SCYL1: variants seen among roughly 807,000 people sequenced by gnomAD.
SCYL1 encodes the protein SCY1 like pseudokinase 1, also known as N-terminal kinase-like protein.
A neutral mutation model predicts 94.8 loss-of-function variants in SCYL1; 85 were observed. The ratio of observed to expected loss-of-function variants is 0.90; its 90% CI spans 0.75 to 1.07. The LOEUF (loss-of-function observed/expected upper bound fraction) is 1.07, where lower values mean the gene tolerates loss of function less well. Among genes scored for constraint, SCYL1 ranks in the 50% least tolerant of loss-of-function variants. The pLI, the probability that SCYL1 is intolerant of heterozygous loss-of-function variation, is 0.00. For synonymous variants in SCYL1, 459 were observed against 435.5 expected (o/e 1.05, Z -0.67); for missense variants, 968 against 1,083.3 (o/e 0.89, Z 1.49).
rs753591753 is a variant in SCYL1, at chr11:65,526,272, G to A, written c.524G>A (p.Arg175His). 4.3e-6 allele frequency: 7 copies of A among 1,612,724 alleles called. No individual in the cohort carries two copies. The highest frequency in any genetic ancestry group is 1.3e-5 in the African/African-American group (1 of 74,932). Residue 175 changes from arginine to histidine, a missense_variant, in exon 4 of 18, where the codon CGC (arginine) becomes CAC (histidine). Physicochemically the swap from Arg to His is conservative, Grantham distance 29. Around this residue, in one of 2 missense-constraint regions of SCYL1, gnomAD observed 494 missense variants for 619.7 expected, o/e 0.80. Coordinates refer to ENST00000270176, the MANE Select transcript of SCYL1 (RefSeq NM_020680.4). The surrounding 1 kb of genome is among the most constrained non-coding windows in gnomAD (Gnocchi z 4.1). ...CAGGGCAACGGTGGGGGACCTCCCCGCAAGGGGATCCCCGAGCTTGAGCAG... is the reference window on the plus strand; with the variant it reads ...CAGGGCAACGGTGGGGGACCTCCCCACAAGGGGATCCCCGAGCTTGAGCAG... Reference protein sequence around the residue: ...SAQGNGGGPPRKGIPELEQYD... With the variant: ...SAQGNGGGPPHKGIPELEQYD...
intron 2 of SCYL1, 82 bp from the exon 3 acceptor site, chr11:65,525,839 C>T (rs1453054714): frequency 6.3e-7 from 1 of 1,581,820 alleles, no homozygotes; most frequent in Non-Finnish European, 8.6e-7. Flanking sequence ...TTCCTCTTCC[C>T]CATCTCTCCC....
chr11:65,538,608 A>G lies in SCYL1; in HGVS notation c.*42A>G, dbSNP rs2135110760. 1.3e-6 allele frequency: 2 copies of G among 1,592,420 alleles called. No homozygotes were observed. Among genetic ancestry groups the G allele is most frequent in the Non-Finnish European group, 1.7e-6 (2 of 1,170,120 alleles). Reference sequence around the variant, plus strand: ...TTCCCGGCTGCGGAGAGCCCGCCCCACAGATGTATTTATTGTACAAACCAT... The same window carrying G: ...TTCCCGGCTGCGGAGAGCCCGCCCCGCAGATGTATTTATTGTACAAACCAT... On this transcript the variant is annotated 3_prime_UTR_variant, in exon 18 of 18. Coordinates refer to ENST00000270176, the MANE Select transcript of SCYL1 (RefSeq NM_020680.4).
At chr11:65,536,831 C>T (rs1565078885) in intron 13 of SCYL1, 81 bp downstream of exon 13, 1 of 1,474,638 alleles carries the variant, frequency 6.8e-7, no homozygotes, top group Non-Finnish European at 9.3e-7. Flanking sequence ...TGTCTGACTC[C>T]CCCGGGGATG....
rs200493885 is a variant in SCYL1, at chr11:65,537,870, G to A, written c.2021G>A (p.Arg674His). The change falls in exon 15 of 18, where the codon CGT becomes CAT. Residue 674 changes from arginine to histidine, a missense_variant. Arg to His is a conservative substitution (Grantham distance 29). Around this residue, in one of 2 missense-constraint regions of SCYL1, gnomAD observed 474 missense variants for 463.6 expected, o/e 1.02. Transcript: ENST00000270176. Reference sequence around the variant, plus strand: ...TGGAGCACCGGGGGCCAAGTGAGCCGTGCTAGTCAGGTGAGCTGGGTCTGG... The same window carrying A: ...TGGAGCACCGGGGGCCAAGTGAGCCATGCTAGTCAGGTGAGCTGGGTCTGG... ...DDWSTGGQVS[R>H]ASQVSNSDHK... 5.7e-6 allele frequency: 9 copies of A among 1,577,394 alleles called. No individual in the cohort carries two copies. Among genetic ancestry groups the A allele is most frequent in the African/African-American group, 2.7e-5 (2 of 74,530 alleles).
At position 65,530,705 on chromosome 11, in the gene SCYL1, G is replaced by C; in HGVS notation, c.926G>C (p.Cys309Ser). The C allele has an allele frequency of 6.2e-7, 1 of 1,614,060 alleles. No homozygotes were observed. Among genetic ancestry groups the C allele is most frequent in the Non-Finnish European group, 8.5e-7 (1 of 1,180,020 alleles). ...KSLDAFPEDF[C>S]RHKVLPQLLT... ...CTGGACGCATTCCCTGAGGATTTCT[G>C]TCGGCACAAGGTGCTGCCCCAGCTG... is the stretch of plus-strand genomic sequence containing the variant. Residue 309 changes from cysteine to serine, a missense_variant, in exon 7 of 18, where the codon TGT becomes TCT. Physicochemically the swap from Cys to Ser is moderately radical, Grantham distance 112. This residue lies in a region of SCYL1 where 494 missense variants were observed against 619.7 expected (regional missense o/e 0.80). Transcript: ENST00000270176.
At position 65,530,778 on chromosome 11, in the gene SCYL1, C is replaced by T. The variant is rs1740718845; in HGVS notation, c.999C>T (p.Pro333=). 1.2e-6 allele frequency: 2 copies of T among 1,611,584 alleles called. No homozygotes were observed. The highest frequency in any genetic ancestry group is 1.3e-5 in the African/African-American group (1 of 74,880). The change falls in exon 7 of 18, where the codon CCC becomes CCT. Residue 333 remains proline, a synonymous_variant. Transcript: ENST00000270176. ...FGNAGAVVLT[P]LFKVGKFLSA... ...ATGCTGGGGCCGTTGTCCTCACGCC[C>T]CTCTTCAAGGTGAGTGGAACTGTGG...
In SCYL1 at chr11:65,537,118, G is replaced by A; in HGVS notation, c.1949G>A (p.Gly650Asp). 1.9e-6 allele frequency: 3 copies of A among 1,614,170 alleles called. No homozygotes were observed. Among genetic ancestry groups the A allele is most frequent in the Non-Finnish European group, 2.5e-6 (3 of 1,180,010 alleles). The change falls in exon 14 of 18, where the codon GGC (glycine) becomes GAC (aspartate). Residue 650 changes from glycine (G) to aspartate (D), a missense_variant. Coordinates refer to ENST00000270176, the MANE Select transcript of SCYL1 (RefSeq NM_020680.4). Reference sequence around the variant, plus strand: ...GACAGATGGGACGACGAAGACTGGGGCAGCCTGGAGGTGTGTGGGGCTGAG... The same window carrying A: ...GACAGATGGGACGACGAAGACTGGGACAGCCTGGAGGTGTGTGGGGCTGAG... ...TADRWDDEDW[G>D]SLEQEAESVL...
Position 65,525,184 on chromosome 11 carries a change from G to A in SCYL1, c.31G>A (p.Asp11Asn). 2.1e-5 allele frequency: 30 copies of A among 1,448,328 alleles called. No individual in the cohort carries two copies. Among genetic ancestry groups the A allele is most frequent in the Non-Finnish European group, 2.7e-5 (30 of 1,095,438 alleles). 89.7% of individuals were successfully genotyped at this position (1,448,328 alleles called of 1,614,324 possible). A position where few individuals can be genotyped will look rare whatever the true frequency, so the allele number is the denominator to read the frequency against. Reference protein sequence around the residue: MWFFARDPVRDFPFELIPEPP... With the variant: MWFFARDPVRNFPFELIPEPP... ...GTTCTTTGCCCGGGACCCGGTCCGG[G>A]ACTTTCCGTTCGAGCTCATCCCGGA... Residue 11 changes from aspartate (D) to asparagine (N), a missense_variant, in exon 1 of 18, where the codon GAC becomes AAC. Around this residue, in one of 2 missense-constraint regions of SCYL1, gnomAD observed 494 missense variants for 619.7 expected, o/e 0.80. Transcript: ENST00000270176.
Position 65,525,564 on chromosome 11 carries a change from C to T in SCYL1, c.112-10C>T. 2.5e-6 allele frequency: 4 copies of T among 1,610,794 alleles called. No individual in the cohort carries two copies. Among genetic ancestry groups the T allele is most frequent in the South Asian group, 1.1e-5 (1 of 91,002 alleles). On this transcript the variant is annotated splice_polypyrimidine_tract_variant and intron_variant, in intron 1 of 17. Transcript: ENST00000270176. ...CTGGGACCATCTCAGGCCCCGCTGCCCTCCCCTAGGCCACAGGCAGCCCCG... is the reference window on the plus strand; with the variant it reads ...CTGGGACCATCTCAGGCCCCGCTGCTCTCCCCTAGGCCACAGGCAGCCCCG...
At chr11:65,530,173 C>T (rs1015912908) in intron 6 of SCYL1, among the ~76,000 whole-genome samples, 1 of 152,092 alleles carries the variant, frequency 6.6e-6, no homozygotes, top group Admixed American at 6.5e-5. Context: ...CCAGCCAGGG[C>T]AGGGAAACCA....
chr11:65,537,261 C>A lies in SCYL1; in HGVS notation c.1959+133C>A, dbSNP rs1482497315. On this transcript the variant is annotated intron_variant, in intron 14 of 17. Transcript: ENST00000270176. Reference sequence around the variant, plus strand: ...CACAGCATCCCTGGCACGTAGGCCTCATGGAGTGGCCATTGTAGGCCAGAG... The same window carrying A: ...CACAGCATCCCTGGCACGTAGGCCTAATGGAGTGGCCATTGTAGGCCAGAG... The A allele has an allele frequency of 3.0e-6, 3 of 984,452 alleles. No homozygotes were observed. In the African/African-American group the frequency reaches 4.9e-5, roughly 16 times the overall value. 61.0% of individuals were successfully genotyped at this position (984,452 alleles called of 1,614,324 possible).
chr11:65,536,133 C>A lies in SCYL1; in HGVS notation c.1567C>A (p.Arg523=). Residue 523 remains arginine, a synonymous_variant, in exon 11 of 18, where the codon CGA becomes AGA. Transcript: ENST00000270176. ...GLTVDPEKSV[R]DQAFKAIRSF... ...CACTGTAGATCCTGAGAAATCCGTG[C>A]GAGACCAGGTGAGGCACAGCTGGGC... is the stretch of plus-strand genomic sequence containing the variant. The A allele has an allele frequency of 6.2e-7, 1 of 1,613,024 alleles. No individual in the cohort carries two copies.
At chr11:65,527,213 A>G in intron 6 of SCYL1, 96 bp downstream of exon 6, 1 of 1,400,564 alleles carries the variant, frequency 7.1e-7, no homozygotes, top group Non-Finnish European at 9.9e-7. Context: ...CTCAGGAGAC[A>G]AGCATGGACT....
At position 65,538,493 on chromosome 11, in the gene SCYL1, A is replaced by T; in HGVS notation, c.2354A>T (p.Glu785Val). Residue 785 changes from glutamate (E) to valine (V), a missense_variant, in exon 18 of 18, where the codon GAG (glutamate) becomes GTG (valine). Physicochemically the swap from Glu to Val is moderately radical, Grantham distance 121. This residue lies in a region of SCYL1 where 474 missense variants were observed against 463.6 expected (regional missense o/e 1.02). Transcript: ENST00000270176. ...ARKKREERRR[E>V]MEAKRAERKV... is the part of the protein sequence containing the mutation. ...AAGAAGCGCGAGGAGCGGCGGCGGGAGATGGAGGCCAAACGCGCCGAGAGG... is the reference window on the plus strand; with the variant it reads ...AAGAAGCGCGAGGAGCGGCGGCGGGTGATGGAGGCCAAACGCGCCGAGAGG... 1 of 1,599,506 alleles carries T rather than the reference A, an allele frequency of 6.3e-7. No homozygotes were observed. Among genetic ancestry groups the T allele is most frequent in the Middle Eastern group, 1.7e-4 (1 of 6,044 alleles).
intron 9 of SCYL1, chr11:65,533,038 T>C (rs950838429): frequency 1.9e-6 from 1 of 519,222 alleles, no homozygotes; most frequent in African/African-American, 1.9e-5. Context: ...GGAGGCAGCA[T>C]GCATGAGGTG....
In SCYL1 at chr11:65,527,909, G is replaced by A. The variant is rs535902545; in HGVS notation, c.849+792G>A. 1.1e-4 allele frequency among the ~76,000 whole-genome samples: 17 copies of A among 152,308 alleles called. No homozygotes were observed. The South Asian group carries it at 3.5e-3, about 32-fold the overall frequency. On this transcript the variant is annotated intron_variant, in intron 6 of 17. Coordinates refer to ENST00000270176, the MANE Select transcript of SCYL1 (RefSeq NM_020680.4). ...CAGAATTGAAAATGTGTGGTATAGT[G>A]TTCTGTGCCCAGCAGGCATTTAGGG...
chr11:65,536,297 G>A lies in SCYL1; in HGVS notation c.1614G>A (p.Glu538=), dbSNP rs1202718783. 2.5e-6 allele frequency: 4 copies of A among 1,614,192 alleles called. No homozygotes were observed. The highest frequency in any genetic ancestry group is 2.2e-5 in the East Asian group (1 of 44,880). Residue 538 remains glutamate (E), a synonymous_variant, in exon 12 of 18, where the codon GAG becomes GAA. Coordinates refer to ENST00000270176, the MANE Select transcript of SCYL1 (RefSeq NM_020680.4). ...TTCGGAGCTTCCTGTCCAAATTGGA[G>A]TCTGTGTCGGAGGACCCGACCCAGC... The part of the protein sequence containing the change: ...KAIRSFLSKL[E]SVSEDPTQLE...
intron 10 of SCYL1, 30 bp from the exon 11 acceptor site, chr11:65,535,923 T>TC: frequency 3.9e-6 from 6 of 1,540,742 alleles, no homozygotes; most frequent in Non-Finnish European, 5.2e-6. Flanking sequence ...GACCCTACAC[T>TC]CAGGAGCCCT....
At chr11:65,529,470 ACT>A (rs1285292155) in intron 6 of SCYL1, among the ~76,000 whole-genome samples, 1 of 151,948 alleles carries the variant, frequency 6.6e-6, no homozygotes, top group African/African-American at 2.4e-5. Flanking sequence ...CCCAGCTGCT[ACT>A]CTCTTGATGT....
Sources: gnomAD v4.1 joint callset for allele counts (sites outside exome capture counted in the v4.1 genomes callset) on GRCh38, gnomAD v4.1.1 for gene constraint, gnomAD v4.1.1 regional missense constraint, Gnocchi (gnomAD v3.1) non-coding constraint, MANE v1.5 for transcripts, NCBI Gene and HGNC (gene_info 2026-07-23, HGNC 2026-07-21) for gene names.